RIMS2: variants seen among roughly 807,000 people sequenced by gnomAD.
The protein encoded by RIMS2 is regulating synaptic membrane exocytosis protein 2.
RIMS2 carries 59 observed loss-of-function variants against 174.4 expected under a neutral mutation model. The ratio of observed to expected loss-of-function variants is 0.34; its 90% CI spans 0.27 to 0.42. RIMS2 has a LOEUF of 0.42. RIMS2 is among the 10% of genes least tolerant of loss of function. The probability of loss-of-function intolerance (pLI) is 1.00; values close to 1 mark genes in which losing one functional copy is unlikely to be tolerated. For missense variants in RIMS2, 1,620 were observed against 1,666.3 expected (o/e 0.97, Z 0.48); for synonymous variants, 606 against 572.5 (o/e 1.06, Z -0.84).
At chr8:104,049,026 T>G (rs187481730) in intron 19 of RIMS2, among the ~76,000 whole-genome samples, 2 of 152,078 alleles carry the variant, frequency 1.3e-5, no homozygotes, top group Admixed American at 1.3e-4. Flanking sequence ...AAGAGAAAAT[T>G]TCTTTTAATA....
chr8:103,752,729 C>G (rs1201348833), intron 2 of RIMS2, among the ~76,000 whole-genome samples: 3 of 152,104 alleles, frequency 2.0e-5, no homozygotes, highest in Admixed American at 6.5e-5. Context: ...ATTTGGCTCT[C>G]TGTTTGTCTC....
At chr8:103,787,678 G>A (rs1206128297) in intron 3 of RIMS2, among the ~76,000 whole-genome samples, 10 of 152,218 alleles carry the variant, frequency 6.6e-5, no homozygotes, top group Admixed American at 3.9e-4. Flanking sequence ...AGGGTAACCC[G>A]ACCTTTCTCT....
intron 2 of RIMS2, among the ~76,000 whole-genome samples, chr8:103,747,827 G>A (rs573178446): frequency 6.6e-6 from 1 of 152,202 alleles, no homozygotes; most frequent in East Asian, 1.9e-4. Context: ...GACTTATTAA[G>A]TTTGAGATAA....
intron 2 of RIMS2, among the ~76,000 whole-genome samples, chr8:103,754,494 C>G (rs557252344): frequency 6.6e-6 from 1 of 152,246 alleles, no homozygotes; most frequent in East Asian, 1.9e-4. Flanking sequence ...TTTTAACTTT[C>G]TGTCTCATTG....
intron 1 of RIMS2, among the ~76,000 whole-genome samples, chr8:103,622,248 G>A (rs1021767917): frequency 3.3e-5 from 5 of 152,052 alleles, no homozygotes; most frequent in African/African-American, 9.7e-5. Context: ...GTCTGATTAA[G>A]TGAATACAAA....
At chr8:103,608,857 C>T (rs182325130) in intron 1 of RIMS2, among the ~76,000 whole-genome samples, 59 of 152,320 alleles carry the variant, frequency 3.9e-4, no homozygotes, top group African/African-American at 1.3e-3. Flanking sequence ...GGCTCGCGCA[C>T]GGTGCACGCA....
At chr8:103,537,053 T>C (rs1283148999) in intron 1 of RIMS2, among the ~76,000 whole-genome samples, 1 of 152,242 alleles carries the variant, frequency 6.6e-6, no homozygotes, top group Non-Finnish European at 1.5e-5. Context: ...TGGGGATACA[T>C]AGATGAAGAA....
chr8:104,149,798 T>A (rs1219307157), intron 19 of RIMS2, among the ~76,000 whole-genome samples: 1 of 152,190 alleles, frequency 6.6e-6, no homozygotes, highest in Non-Finnish European at 1.5e-5. Flanking sequence ...ACCCGGCTAA[T>A]CTTGATTTTT....
intron 1 of RIMS2, among the ~76,000 whole-genome samples, chr8:103,632,892 C>A (rs2095973598): frequency 6.6e-6 from 1 of 151,344 alleles, no homozygotes; most frequent in African/African-American, 2.4e-5. Flanking sequence ...CGCCACCATG[C>A]CGGGCTAATT....
intron 19 of RIMS2, among the ~76,000 whole-genome samples, chr8:104,146,569 T>C (rs1441757022): frequency 6.6e-6 from 1 of 152,224 alleles, no homozygotes; most frequent in Non-Finnish European, 1.5e-5. Context: ...AAGTTCTTTA[T>C]GGCCTTGATA....
At chr8:103,681,301 A>G (rs2096877433) in intron 1 of RIMS2, among the ~76,000 whole-genome samples, 2 of 152,208 alleles carry the variant, frequency 1.3e-5, no homozygotes, top group South Asian at 4.1e-4. Flanking sequence ...TACCATGCAC[A>G]TTAGCTATTT....
intron 1 of RIMS2, among the ~76,000 whole-genome samples, chr8:103,522,640 G>A (rs1832259852): frequency 6.6e-6 from 1 of 152,012 alleles, no homozygotes; most frequent in East Asian, 1.9e-4. Context: ...GTATCTGATG[G>A]TTTCCAACTC....
At chr8:104,049,435 AAAAC>A (rs777294552) in intron 19 of RIMS2, among the ~76,000 whole-genome samples, 14 of 152,144 alleles carry the variant, frequency 9.2e-5, no homozygotes, top group African/African-American at 2.9e-4. Context: ...CAAAAAACAA[AAAAC>A]AAACAAACAA....
intron 17 of RIMS2, among the ~76,000 whole-genome samples, chr8:104,007,741 T>C (rs1473717185): frequency 1.3e-5 from 2 of 152,286 alleles, no homozygotes; most frequent in East Asian, 3.9e-4. Context: ...TAAATTGGTA[T>C]TGAATGTTGA....
At chr8:103,620,615 G>A (rs1035479894) in intron 1 of RIMS2, among the ~76,000 whole-genome samples, 4 of 152,090 alleles carry the variant, frequency 2.6e-5, no homozygotes, top group African/African-American at 9.7e-5. Flanking sequence ...AAGAGAATGG[G>A]CAAAGGAGAA....
At chr8:103,906,149 CATTA>C (rs1388592684) in intron 4 of RIMS2, among the ~76,000 whole-genome samples, 1 of 151,886 alleles carries the variant, frequency 6.6e-6, no homozygotes, top group Non-Finnish European at 1.5e-5. Flanking sequence ...TATGAATTAC[CATTA>C]ATTATCTTAT....
chr8:103,851,737 T>A (rs981968833), intron 3 of RIMS2, among the ~76,000 whole-genome samples: 4 of 149,904 alleles, frequency 2.7e-5, no homozygotes, highest in Non-Finnish European at 5.9e-5. Context: ...ACTTTTGGAC[T>A]GAAATAAATT....
At chr8:104,200,957 G>A (rs2099051810) in intron 19 of RIMS2, among the ~76,000 whole-genome samples, 1 of 152,046 alleles carries the variant, frequency 6.6e-6, no homozygotes, top group South Asian at 2.1e-4. Context: ...CTAAAACAAA[G>A]GTTGTTTTTG....
intron 19 of RIMS2, among the ~76,000 whole-genome samples, chr8:104,075,813 T>C (rs1382202732): frequency 6.6e-6 from 1 of 152,116 alleles, no homozygotes; most frequent in Non-Finnish European, 1.5e-5. Flanking sequence ...TACGAAACTA[T>C]GAGAGTATGC....
Sources: gnomAD v4.1 joint callset for allele counts (sites outside exome capture counted in the v4.1 genomes callset) on GRCh38, gnomAD v4.1.1 for gene constraint, MANE v1.5 for transcripts, NCBI Gene and HGNC (gene_info 2026-07-23, HGNC 2026-07-21) for gene names.